CD163L1: variants seen among roughly 807,000 people sequenced by gnomAD.
CD163L1 encodes the protein CD163 molecule like 1, also known as scavenger receptor cysteine-rich type 1 protein M160.
In CD163L1, 124 loss-of-function variants were observed where a neutral mutation model predicts 165.4. The ratio of observed to expected loss-of-function variants is 0.75; its 90% CI spans 0.65 to 0.87. The LOEUF (loss-of-function observed/expected upper bound fraction) is 0.87. Among genes scored for constraint, CD163L1 ranks in the 40% least tolerant of loss-of-function variants. The probability of loss-of-function intolerance (pLI) is 0.00; values close to 1 mark genes in which losing one functional copy is unlikely to be tolerated. For synonymous variants in CD163L1, 585 were observed against 662.2 expected (o/e 0.88, Z 1.79); for missense variants, 1,525 against 1,799.9 (o/e 0.85, Z 2.76).
chr12:7,362,239 C>A, intron 18 of CD163L1, among the ~76,000 whole-genome samples: 1 of 139,136 alleles, frequency 7.2e-6, no homozygotes, highest in African/African-American at 2.7e-5. Context: ...TTATATATTA[C>A]TTATGTTATA....
At chr12:7,416,461 G>A (rs1948242709) in intron 4 of CD163L1, among the ~76,000 whole-genome samples, 1 of 152,168 alleles carries the variant, frequency 6.6e-6, no homozygotes, top group South Asian at 2.1e-4. Context: ...TGTTGCCATT[G>A]CTTTTGGTGT....
downstream of CD163L1, among the ~76,000 whole-genome samples, chr12:7,341,718 C>A (rs1946638764): frequency 6.6e-6 from 1 of 152,044 alleles, no homozygotes; most frequent in Admixed American, 6.6e-5. Flanking sequence ...TGGGAAACGA[C>A]CCATTACTAT....
At position 7,430,934 on chromosome 12, in the gene CD163L1, A is replaced by G. The variant is rs148350193; in HGVS notation, c.766+1482T>C. Among the ~76,000 whole-genome samples, 733 of 152,200 alleles carry G rather than the reference A, an allele frequency of 4.8e-3. 9 individuals carry two copies. Among genetic ancestry groups the G allele is most frequent in the African/African-American group, 0.017 (693 of 41,542 alleles). ...TCGTAGATAATAAGAAATTTCCTATATTACTATAAAGTCAACTAAACGTGC... is the reference window on the plus strand; with the variant it reads ...TCGTAGATAATAAGAAATTTCCTATGTTACTATAAAGTCAACTAAACGTGC... On this transcript the variant is annotated intron_variant, in intron 4 of 19. Coordinates refer to ENST00000313599, the MANE Select transcript of CD163L1 (RefSeq NM_174941.6).
chr12:7,368,983 A>G lies in CD163L1; in HGVS notation c.4040-18T>C, dbSNP rs1438479080. On this transcript the variant is annotated intron_variant, in intron 15 of 19. Transcript: ENST00000313599. The surrounding 1 kb of genome is among the most constrained non-coding windows in gnomAD (Gnocchi z 4.3). ...CGACTGTCCTGAGAGAGAGAGAGAG[A>G]GAGAGAGACGTAAATGAACGAAAAG... is the stretch of plus-strand genomic sequence containing the variant. 1 of 1,613,200 alleles carries G rather than the reference A, an allele frequency of 6.2e-7. No individual in the cohort carries two copies. The highest frequency in any genetic ancestry group is 2.2e-5 in the East Asian group (1 of 44,874).
At chr12:7,352,456 C>T (rs1477665285), downstream of CD163L1, among the ~76,000 whole-genome samples, 1 of 152,012 alleles carries the variant, frequency 6.6e-6, no homozygotes, top group East Asian at 1.9e-4. Flanking sequence ...ACAGCCCTGA[C>T]TGACTGAAGA....
chr12:7,387,934 T>G lies in CD163L1; in HGVS notation c.2050+8161A>C, dbSNP rs9669646. ...CTGCTATTGGTATGAAACAGACACATGGACAAATTAAACAGAATAGAGAAC... is the reference window on the plus strand; with the variant it reads ...CTGCTATTGGTATGAAACAGACACAGGGACAAATTAAACAGAATAGAGAAC... On this transcript the variant is annotated intron_variant, in intron 8 of 19. Coordinates refer to ENST00000313599, the MANE Select transcript of CD163L1 (RefSeq NM_174941.6). Among the ~76,000 whole-genome samples, 1,281 of 152,238 alleles carry G rather than the reference T, an allele frequency of 8.4e-3. 15 individuals are homozygous for G. Among genetic ancestry groups the G allele is most frequent in the African/African-American group, 0.029 (1,209 of 41,550 alleles).
intron 4 of CD163L1, among the ~76,000 whole-genome samples, chr12:7,421,484 C>CATATAT (rs1243708673): frequency 1.0e-5 from 1 of 100,352 alleles, no homozygotes; most frequent in African/African-American, 5.1e-5. Context: ...CATATATGTA[C>CATATAT]ATATATACAT....
chr12:7,387,295 GA>G (rs1947540508), intron 8 of CD163L1, among the ~76,000 whole-genome samples: 1 of 152,114 alleles, frequency 6.6e-6, no homozygotes, highest in South Asian at 2.1e-4. Flanking sequence ...CTTCTATGAT[GA>G]AAATTACAAA....
Position 7,374,165 on chromosome 12 carries a change from C to A in CD163L1, c.3409+277G>T, listed in dbSNP as rs1351733066. Among the ~76,000 whole-genome samples the A allele has an allele frequency of 6.6e-6, 1 of 152,162 alleles. No homozygotes were observed. Among genetic ancestry groups the A allele is most frequent in the East Asian group, 1.9e-4 (1 of 5,188 alleles). On this transcript the variant is annotated intron_variant, in intron 13 of 19. Transcript: ENST00000313599. The surrounding 1 kb of genome is among the most constrained non-coding windows in gnomAD (Gnocchi z 5.4). Reference sequence around the variant, plus strand: ...CACGGTTGACAGTGTGTTCTCAGAGCCAGAGTGGATGTCATGTAAGGTCCC... The same window carrying A: ...CACGGTTGACAGTGTGTTCTCAGAGACAGAGTGGATGTCATGTAAGGTCCC...
chr12:7,390,364 T>C (rs1267395850), intron 8 of CD163L1, among the ~76,000 whole-genome samples: 1 of 152,148 alleles, frequency 6.6e-6, no homozygotes, highest in East Asian at 1.9e-4. Flanking sequence ...TGAAATGTTA[T>C]CAACACAAAG....
At chr12:7,337,836 T>C in the CD163L1 span, among the ~76,000 whole-genome samples, 1 of 152,208 alleles carries the variant, frequency 6.6e-6, no homozygotes, top group African/African-American at 2.4e-5. Flanking sequence ...CAAAGGATTA[T>C]AAATCATTCT....
chr12:7,382,954 C>A (rs1384819338), intron 8 of CD163L1, among the ~76,000 whole-genome samples: 2 of 152,130 alleles, frequency 1.3e-5, no homozygotes, highest in Non-Finnish European at 2.9e-5. Flanking sequence ...ATGGGTAGTT[C>A]ACAGAGGAGT....
intron 4 of CD163L1, among the ~76,000 whole-genome samples, chr12:7,421,560 T>C (rs766823438): frequency 2.2e-5 from 3 of 134,776 alleles, no homozygotes; most frequent in Admixed American, 7.7e-5. Context: ...CATATACATA[T>C]ATGTACATAT....
intron 5 of CD163L1, among the ~76,000 whole-genome samples, chr12:7,405,991 T>C (rs1948007377): frequency 6.6e-6 from 1 of 152,128 alleles, no homozygotes; most frequent in Admixed American, 6.6e-5. Flanking sequence ...TAGTTGAAAG[T>C]TGCAAACTAG....
intron 6 of CD163L1, among the ~76,000 whole-genome samples, chr12:7,401,899 T>C (rs995952769): frequency 3.9e-5 from 6 of 152,136 alleles, no homozygotes; most frequent in African/African-American, 1.4e-4. Flanking sequence ...ATTTTTATAA[T>C]GTTTTATATC....
intron 14 of CD163L1, among the ~76,000 whole-genome samples, chr12:7,373,047 T>G (rs1565778282): frequency 6.6e-6 from 1 of 152,254 alleles, no homozygotes; most frequent in African/African-American, 2.4e-5. Context: ...CTGTAATTTT[T>G]TATGTGTTGT....
At chr12:7,409,650 G>A (rs983603276) in intron 4 of CD163L1, among the ~76,000 whole-genome samples, 1 of 152,182 alleles carries the variant, frequency 6.6e-6, no homozygotes, top group Non-Finnish European at 1.5e-5. Flanking sequence ...TACCGTGACC[G>A]GTACCAGTTT....
At chr12:7,412,317 C>T (rs894520552) in intron 4 of CD163L1, among the ~76,000 whole-genome samples, 1 of 152,098 alleles carries the variant, frequency 6.6e-6, no homozygotes, top group South Asian at 2.1e-4. Context: ...AAAATAGACT[C>T]CCAGGAAATG....
At chr12:7,395,649 T>C (rs936606610) in intron 8 of CD163L1, among the ~76,000 whole-genome samples, 8 of 152,168 alleles carry the variant, frequency 5.3e-5, no homozygotes, top group Admixed American at 3.9e-4. Flanking sequence ...GTTTATTTGT[T>C]CTAATGCTAT....
Sources: gnomAD v4.1 joint callset for allele counts (sites outside exome capture counted in the v4.1 genomes callset) on GRCh38, gnomAD v4.1.1 for gene constraint, Gnocchi (gnomAD v3.1) non-coding constraint, MANE v1.5 for transcripts, NCBI Gene and HGNC (gene_info 2026-07-23, HGNC 2026-07-21) for gene names.